The following SNX29 variants were observed in gnomAD, a reference collection of about 807,000 sequenced individuals.
The protein encoded by SNX29 is sorting nexin 29.
In SNX29, 78 loss-of-function variants were observed where a neutral mutation model predicts 102.1. The ratio of observed to expected loss-of-function variants is 0.76; its 90% CI spans 0.64 to 0.92. The LOEUF (loss-of-function observed/expected upper bound fraction) is 0.92. Among genes scored for constraint, SNX29 ranks in the 40% least tolerant of loss-of-function variants. The pLI is 0.00. For synonymous variants in SNX29, 580 were observed against 414.5 expected, an observed-to-expected ratio of 1.40 and a Z score of -4.85; for missense variants, 1,280 against 1,061.7, an observed-to-expected ratio of 1.21 and a Z score of -2.86.
Position 12,319,242 on chromosome 16 carries a change from G to T in SNX29, c.1783-36921G>T, listed in dbSNP as rs894394217. Reference sequence around the variant, plus strand: ...AATTGTTATAGAGGCCTGTGTTAGTGAGAACTGGCCTGCCACAATCCCAGC... The same window carrying T: ...AATTGTTATAGAGGCCTGTGTTAGTTAGAACTGGCCTGCCACAATCCCAGC... On this transcript the variant is annotated intron_variant, in intron 15 of 20. Transcript: ENST00000566228. Among the ~76,000 whole-genome samples, 11 of 152,260 alleles carry T rather than the reference G, an allele frequency of 7.2e-5. No homozygotes were observed. The East Asian group carries it at 2.1e-3, about 29-fold the overall frequency.
intron 9 of SNX29, 121 bp from the exon 10 acceptor site, chr16:12,068,936 G>A: frequency 1.2e-6 from 1 of 866,994 alleles, no homozygotes. Context: ...AGGAGAGATG[G>A]AGAAAAATTT....
At chr16:12,541,048 G>C (rs1379952983) in intron 20 of SNX29, among the ~76,000 whole-genome samples, 2 of 152,124 alleles carry the variant, frequency 1.3e-5, no homozygotes, top group African/African-American at 4.8e-5. Context: ...TAGTCTGGCT[G>C]CTATTTAGTT....
intron 19 of SNX29, among the ~76,000 whole-genome samples, chr16:12,513,130 C>G (rs2089706812): frequency 6.6e-6 from 1 of 151,536 alleles, no homozygotes; most frequent in South Asian, 2.1e-4. Flanking sequence ...CTCTCTGACC[C>G]TGCCCTCCCT....
chr16:12,354,359 A>G (rs2151303802), intron 15 of SNX29, among the ~76,000 whole-genome samples: 1 of 152,318 alleles, frequency 6.6e-6, no homozygotes, highest in East Asian at 1.9e-4. Context: ...CCCTAGTGAA[A>G]TGAAAGATTT....
intron 19 of SNX29, among the ~76,000 whole-genome samples, chr16:12,482,998 T>A (rs2088019905): frequency 6.6e-6 from 1 of 152,136 alleles, no homozygotes; most frequent in South Asian, 2.1e-4. Flanking sequence ...CTTCACATAC[T>A]GTATCAAGTT....
intron 14 of SNX29, among the ~76,000 whole-genome samples, chr16:12,205,516 C>T (rs759097554): frequency 2.0e-5 from 3 of 152,216 alleles, no homozygotes; most frequent in African/African-American, 7.2e-5. Context: ...ACCCCACCCA[C>T]GCTGGCCTTT....
In SNX29 at chr16:12,226,647, C is replaced by G. The variant is rs181654116; in HGVS notation, c.1678+26964C>G. On this transcript the variant is annotated intron_variant, in intron 14 of 20. Coordinates refer to ENST00000566228, the MANE Select transcript of SNX29 (RefSeq NM_032167.5). The stretch of plus-strand genomic sequence containing the variant: ...AGAGTACACTGGTGCAATCTTGGCT[C>G]ACTGCAACCTCTGCCTCCTGGGTTC... 8.5e-4 allele frequency among the ~76,000 whole-genome samples: 128 copies of G among 150,316 alleles called. 2 individuals carry two copies. The East Asian group carries it at 0.021, about 25-fold the overall frequency.
At chr16:12,275,623 A>G (rs993946143) in intron 14 of SNX29, among the ~76,000 whole-genome samples, 6 of 151,406 alleles carry the variant, frequency 4.0e-5, no homozygotes, top group Non-Finnish European at 7.4e-5. Flanking sequence ...AGGTCTGTCA[A>G]GTTATTTATC....
chr16:12,508,432 C>CT (rs1472311789), intron 19 of SNX29, among the ~76,000 whole-genome samples: 5 of 152,198 alleles, frequency 3.3e-5, no homozygotes, highest in African/African-American at 9.6e-5. Flanking sequence ...CCATTGATTT[C>CT]TTTTTTCTGT....
rs2079189039 is a variant in SNX29 at position 12,571,594 on chromosome 16, A to G, written c.*2965A>G. 3.8e-6 allele frequency: 4 copies of G among 1,056,914 alleles called. No homozygotes were observed. The highest frequency in any genetic ancestry group is 4.6e-6 in the Non-Finnish European group (4 of 872,882). The allele number at this position is 1,056,914 out of a possible 1,614,324, so 65.5% of individuals were successfully genotyped here. ...TGTCTTCATGGCCTGCTGTGCTGAA[A>G]CAGAACAGCAGGTTCCATCTTTCAC... On this transcript the variant is annotated 3_prime_UTR_variant, in exon 21 of 21. Transcript: ENST00000566228.
intron 14 of SNX29, among the ~76,000 whole-genome samples, chr16:12,252,839 C>T (rs2078461601): frequency 1.3e-5 from 2 of 152,350 alleles, no homozygotes; most frequent in East Asian, 1.9e-4. Context: ...GCACGGTGCC[C>T]ACAGTGAGGG....
At chr16:12,526,454 C>A in intron 20 of SNX29, 1 of 459,968 alleles carries the variant, frequency 2.2e-6, no homozygotes, top group Admixed American at 2.6e-5. Context: ...ATTATAGTAT[C>A]CTGCTGCCTG....
intron 19 of SNX29, among the ~76,000 whole-genome samples, chr16:12,522,087 C>T (rs912121183): frequency 8.5e-5 from 13 of 152,312 alleles, no homozygotes; most frequent in Admixed American, 2.0e-4. Context: ...AGATGCTCCA[C>T]GCTTCCATCT....
At chr16:12,029,296 T>C (rs558224351) in intron 4 of SNX29, among the ~76,000 whole-genome samples, 1 of 152,316 alleles carries the variant, frequency 6.6e-6, no homozygotes, top group African/African-American at 2.4e-5. Flanking sequence ...GGAAGGGCAT[T>C]ATTCATTGCG....
chr16:12,029,335 G>T (rs1479718754), intron 4 of SNX29, among the ~76,000 whole-genome samples: 5 of 152,072 alleles, frequency 3.3e-5, no homozygotes, highest in African/African-American at 9.7e-5. Context: ...GGTTCCTGAG[G>T]TACCATATAC....
intron 13 of SNX29, among the ~76,000 whole-genome samples, chr16:12,155,384 A>G (rs2055500319): frequency 6.6e-6 from 1 of 152,164 alleles, no homozygotes. Flanking sequence ...TCACGTGAAG[A>G]GCCACAGAAT....
Position 12,226,574 on chromosome 16 carries a change from C to CTTT in SNX29, c.1678+26905_1678+26907dup, listed in dbSNP as rs33956641. ...AGCTGAAGGGCGTGGACTGAGCCTT[C>CTTT]TTTTTTTTTTTTTTTTGGAGACAGA... On this transcript the variant is annotated intron_variant, in intron 14 of 20. Transcript: ENST00000566228. 3.2e-3 allele frequency among the ~76,000 whole-genome samples: 420 copies of CTTT among 133,198 alleles called. 6 individuals are homozygous for CTTT. Among genetic ancestry groups the CTTT allele is most frequent in the African/African-American group, 5.2e-3 (187 of 35,970 alleles). 87.4% of individuals were successfully genotyped at this position (133,198 alleles called of 152,430 possible). A position where few individuals can be genotyped will look rare whatever the true frequency, so the allele number is the denominator to read the frequency against.
intron 19 of SNX29, among the ~76,000 whole-genome samples, chr16:12,509,143 TA>T (rs2151913024): frequency 6.6e-6 from 1 of 152,162 alleles, no homozygotes; most frequent in African/African-American, 2.4e-5. Context: ...CAGTTAGAGG[TA>T]GTCCCACCTA....
Position 12,533,101 on chromosome 16 carries a change from G to T in SNX29, c.2318+8260G>T, listed in dbSNP as rs535088840. On this transcript the variant is annotated intron_variant, in intron 20 of 20. Coordinates refer to ENST00000566228, the MANE Select transcript of SNX29 (RefSeq NM_032167.5). Reference sequence around the variant, plus strand: ...AGCCCACATCACACCTCCGGGGAGGGACAGGTTCAACTCGACAGCTCTGCT... The same window carrying T: ...AGCCCACATCACACCTCCGGGGAGGTACAGGTTCAACTCGACAGCTCTGCT... 2.6e-5 allele frequency among the ~76,000 whole-genome samples: 4 copies of T among 152,346 alleles called. No individual in the cohort carries two copies. In the East Asian group the frequency reaches 7.7e-4, roughly 29 times the overall value.
Sources: gnomAD v4.1 joint callset for allele counts (sites outside exome capture counted in the v4.1 genomes callset) on GRCh38, gnomAD v4.1.1 for gene constraint, MANE v1.5 for transcripts, NCBI Gene and HGNC (gene_info 2026-07-23, HGNC 2026-07-21) for gene names.